The following ANK1 variants were observed in gnomAD, a reference collection of about 807,000 sequenced individuals.
ANK1 encodes ankyrin-1.
A neutral mutation model predicts 210.4 loss-of-function variants in ANK1; 51 were observed. The observed-to-expected ratio is 0.24, with a 90% CI of 0.19 to 0.31. The LOEUF (loss-of-function observed/expected upper bound fraction) is 0.31. ANK1 is among the 10% of genes least tolerant of loss of function. The pLI, the probability that ANK1 is intolerant of heterozygous loss-of-function variation, is 1.00. For synonymous variants in ANK1, 967 were observed against 1,025.9 expected, an observed-to-expected ratio of 0.94 and a Z score of 1.10; for missense variants, 2,051 against 2,504.4, an observed-to-expected ratio of 0.82 and a Z score of 3.86.
At chr8:41,879,545 T>C (rs970934882) in intron 1 of ANK1, among the ~76,000 whole-genome samples, 10 of 152,182 alleles carry the variant, frequency 6.6e-5, no homozygotes, top group African/African-American at 2.4e-4. Context: ...CAGAGAGATG[T>C]AGGAAGGAGA....
intron 40 of ANK1, among the ~76,000 whole-genome samples, chr8:41,663,455 G>A (rs896446957): frequency 6.6e-6 from 1 of 152,162 alleles, no homozygotes; most frequent in Non-Finnish European, 1.5e-5. Context: ...CAGACAAAGC[G>A]GTTGTGAGGA....
intron 37 of ANK1, among the ~76,000 whole-genome samples, chr8:41,678,568 G>A (rs1814947583): frequency 6.6e-6 from 1 of 152,198 alleles, no homozygotes; most frequent in Non-Finnish European, 1.5e-5. Flanking sequence ...AAAGAAAAAT[G>A]TTTGGAGTTT....
intron 1 of ANK1, among the ~76,000 whole-genome samples, chr8:41,842,824 T>C (rs1013257080): frequency 2.6e-5 from 4 of 152,202 alleles, no homozygotes; most frequent in African/African-American, 9.6e-5. Context: ...ATAAAATTAC[T>C]GAACACATTT....
At chr8:41,864,993 G>GC (rs962949832) in intron 1 of ANK1, among the ~76,000 whole-genome samples, 4 of 152,156 alleles carry the variant, frequency 2.6e-5, no homozygotes, top group Non-Finnish European at 5.9e-5. Context: ...CACAAACACG[G>GC]CAACCCCTTC....
At chr8:41,763,897 T>C (rs900192850) in intron 1 of ANK1, among the ~76,000 whole-genome samples, 2 of 122,400 alleles carry the variant, frequency 1.6e-5, no homozygotes, top group Non-Finnish European at 1.7e-5. Flanking sequence ...TTCTTTTTTT[T>C]TTTTTTTTTT....
At chr8:41,863,966 C>G (rs186616833) in intron 1 of ANK1, among the ~76,000 whole-genome samples, 24 of 152,062 alleles carry the variant, frequency 1.6e-4, no homozygotes, top group African/African-American at 5.6e-4. Context: ...TACCACTGGC[C>G]GGGCATGGTG....
rs533370038 is a variant in ANK1, at chr8:41,844,535, C to T, written c.126+51820G>A. Among the ~76,000 whole-genome samples, 147 of 152,254 alleles carry T rather than the reference C, an allele frequency of 9.7e-4. 1 individual carries two copies. Among genetic ancestry groups the T allele is most frequent in the Admixed American group, 2.0e-3 (31 of 15,282 alleles). ...CCACACACCCCCCACACACACACTG[C>T]CACAGGGGGGCGGGCAGCACAGGAG... is the stretch of plus-strand genomic sequence containing the variant. On this transcript the variant is annotated intron_variant, in intron 1 of 42. Transcript: ENST00000265709.
intron 37 of ANK1, among the ~76,000 whole-genome samples, chr8:41,680,214 A>T (rs917745105): frequency 1.1e-4 from 17 of 152,228 alleles, no homozygotes; most frequent in Admixed American, 9.8e-4. Context: ...TCCTTTTGTG[A>T]GTTTCCCACC....
At chr8:41,805,046 C>G (rs747632382) in intron 1 of ANK1, among the ~76,000 whole-genome samples, 1 of 149,942 alleles carries the variant, frequency 6.7e-6, no homozygotes, top group Non-Finnish European at 1.5e-5. Flanking sequence ...TCCCATAGAG[C>G]TGTTTCTTTC....
intron 1 of ANK1, among the ~76,000 whole-genome samples, chr8:41,784,421 A>G (rs1033288160): frequency 7.2e-5 from 11 of 152,230 alleles, no homozygotes; most frequent in Non-Finnish European, 1.0e-4. Flanking sequence ...TGGCTTTGTA[A>G]ATGTGAACGT....
rs1227723387 is a variant in ANK1, at chr8:41,694,746, T to A, written c.3173A>T (p.Asp1058Val). 1 of 1,614,016 alleles carries A rather than the reference T, an allele frequency of 6.2e-7. No homozygotes were observed. Among genetic ancestry groups the A allele is most frequent in the Non-Finnish European group, 8.5e-7 (1 of 1,180,014 alleles). The part of the protein sequence containing the change: ...KKRVCRIITT[D>V]FPLYFVIMSR... ...CATGATCACGAAGTACAGCGGGAAGTCGGTGGTGATGATTCGGCACACCCT... is the reference window on the plus strand; with the variant it reads ...CATGATCACGAAGTACAGCGGGAAGACGGTGGTGATGATTCGGCACACCCT... The change falls in exon 28 of 43, where the codon GAC (aspartate) becomes GTC (valine). Residue 1058 changes from aspartate (D) to valine (V), a missense_variant. By Grantham distance (152) the Asp-to-Val change is radical. Around this residue, in one of 6 missense-constraint regions of ANK1, gnomAD observed 1,413 missense variants for 1,707.4 expected, o/e 0.83. Transcript: ENST00000289734. The surrounding 1 kb of genome is among the most constrained non-coding windows in gnomAD (Gnocchi z 5.7).
intron 2 of ANK1, among the ~76,000 whole-genome samples, chr8:41,748,554 C>G (rs920974665): frequency 1.3e-5 from 2 of 152,164 alleles, no homozygotes; most frequent in African/African-American, 4.8e-5. Context: ...GCAGTCTGTT[C>G]CTTCTCACAG....
At chr8:41,773,095 C>T (rs938164064) in intron 1 of ANK1, among the ~76,000 whole-genome samples, 2 of 152,184 alleles carry the variant, frequency 1.3e-5, no homozygotes, top group South Asian at 2.1e-4. Flanking sequence ...ACCTTAATGG[C>T]AGTGACAGAA....
chr8:41,871,499 T>C (rs1815484770), intron 1 of ANK1, among the ~76,000 whole-genome samples: 1 of 151,876 alleles, frequency 6.6e-6, no homozygotes. Context: ...AAAGGGGAAA[T>C]GCAGACACAG....
intron 39 of ANK1, 78 bp downstream of exon 39, chr8:41,668,189 T>G: frequency 6.3e-7 from 1 of 1,594,972 alleles, no homozygotes; most frequent in Non-Finnish European, 8.6e-7. Context: ...CTTGAGTGCC[T>G]GAGAGGCAGC....
At chr8:41,823,775 T>A (rs948611526) in intron 1 of ANK1, among the ~76,000 whole-genome samples, 54 of 152,148 alleles carry the variant, frequency 3.5e-4, no homozygotes, top group African/African-American at 9.2e-4. Flanking sequence ...AAATACATTT[T>A]AAAATTTTTA....
rs988506744 is a variant in ANK1, at chr8:41,693,672, G to A, written c.3532+226C>T. ...ACTCTTGACCTCAGGCGATCCACCC[G>A]CCTTGGCATCCCAAAGTGCTGGGAT... On this transcript the variant is annotated intron_variant, in intron 29 of 42. Transcript: ENST00000289734. Among the ~76,000 whole-genome samples, 38 of 152,100 alleles carry A rather than the reference G, an allele frequency of 2.5e-4. 1 individual carries two copies. The Middle Eastern group carries it at 0.01, about 41-fold the overall frequency.
chr8:41,752,245 G>A (rs1335034130), intron 2 of ANK1, among the ~76,000 whole-genome samples: 1 of 152,148 alleles, frequency 6.6e-6, no homozygotes, highest in Non-Finnish European at 1.5e-5. Context: ...AGCATGCACA[G>A]GCCACGAGCG....
chr8:41,786,281 G>T (rs1846377763), intron 1 of ANK1, among the ~76,000 whole-genome samples: 1 of 152,184 alleles, frequency 6.6e-6, no homozygotes, highest in African/African-American at 2.4e-5. Context: ...GGCTGGAGGG[G>T]CGTCTACAGG....
Sources: allele counts gnomAD v4.1 joint callset (sites outside exome capture counted in the v4.1 genomes callset), GRCh38; gene constraint gnomAD v4.1.1; regional missense constraint gnomAD v4.1.1; non-coding constraint Gnocchi (gnomAD v3.1); transcripts MANE v1.5; gene names NCBI Gene and HGNC (gene_info 2026-07-23, HGNC 2026-07-21).